Variants in ZBTB20 observed in about 807,000 individuals in gnomAD.
The protein encoded by ZBTB20 is zinc finger and BTB domain containing 20.
In ZBTB20, 9 loss-of-function variants were observed where a neutral mutation model predicts 56.9. The ratio of observed to expected loss-of-function variants is 0.16; its 90% CI spans 0.10 to 0.28. The LOEUF is 0.28. Ranked by LOEUF, ZBTB20 falls within the 10% of genes least tolerant of loss-of-function variation. ZBTB20 has a pLI of 1.00. For synonymous variants in ZBTB20, 417 were observed against 420.7 expected (o/e 0.99, Z 0.11); for missense variants, 655 against 1,003.0 (o/e 0.65, Z 4.69).
chr3:114,425,191 T>C (rs955924403), intron 7 of ZBTB20, among the ~76,000 whole-genome samples: 9 of 150,360 alleles, frequency 6.0e-5, no homozygotes, highest in African/African-American at 2.3e-4. Flanking sequence ...TAATATCGCC[T>C]TCTCCCTTAC....
rs113300913 is a variant in ZBTB20 at position 114,925,764 on chromosome 3, G to A, written c.-455-25422C>T. Among the ~76,000 whole-genome samples, 549 of 152,164 alleles carry A rather than the reference G, an allele frequency of 3.6e-3. 6 individuals are homozygous for A. Among genetic ancestry groups the A allele is most frequent in the African/African-American group, 0.013 (535 of 41,506 alleles). ...GATGATCTCAATCTCCCGACCTCGT[G>A]ATCTGCCCACCTTGGCCTCCCAAAG... On this transcript the variant is annotated intron_variant, in intron 3 of 11. Transcript: ENST00000675478.
intron 4 of ZBTB20, among the ~76,000 whole-genome samples, chr3:114,882,061 G>A (rs996900444): frequency 6.6e-6 from 1 of 151,520 alleles, no homozygotes; most frequent in African/African-American, 2.4e-5. Context: ...ACATACTACA[G>A]AAAATTTATT....
At chr3:114,839,406 TGAAAGAAAGAAAGAAAGAAAGAAA>T (rs748321783) in intron 4 of ZBTB20, among the ~76,000 whole-genome samples, 1 of 72,692 alleles carries the variant, frequency 1.4e-5, no homozygotes, top group Non-Finnish European at 2.6e-5. Context: ...AGAGCCTGTC[TGAAAGAAAGAAAGAAAGAAAGAAA>T]GAAAGAAAGA....
rs1389424524 is a variant in ZBTB20, at chr3:114,390,686, A to G, written c.-254-1581T>C. On this transcript the variant is annotated intron_variant, in intron 7 of 11. Coordinates refer to ENST00000675478, the MANE Select transcript of ZBTB20 (RefSeq NM_001348800.3). ...CTATCTTTAGTTCTAGCTTTTCTAC[A>G]GAGCTGCACACCCACATTCTAAATA... Among the ~76,000 whole-genome samples the G allele has an allele frequency of 3.9e-5, 6 of 152,194 alleles. No individual in the cohort carries two copies. The East Asian group carries it at 1.2e-3, about 29-fold the overall frequency.
rs117792666 is a variant in ZBTB20, at chr3:114,537,648, A to C, written c.-294-37257T>G. On this transcript the variant is annotated intron_variant, in intron 6 of 11. Coordinates refer to ENST00000675478, the MANE Select transcript of ZBTB20 (RefSeq NM_001348800.3). ...ATCCCATTACTGAGTACATACCCAA[A>C]GTATTAGAAATCATTCTACTATAAA... 5.1e-3 allele frequency among the ~76,000 whole-genome samples: 774 copies of C among 152,322 alleles called. 42 individuals carry two copies. In the East Asian group the frequency reaches 0.14, roughly 27 times the overall value.
chr3:115,039,473 T>A (rs1255963056), intron 2 of ZBTB20, among the ~76,000 whole-genome samples: 1 of 151,978 alleles, frequency 6.6e-6, no homozygotes. Context: ...CCTCTTAACA[T>A]CAGAATTGCT....
intron 6 of ZBTB20, among the ~76,000 whole-genome samples, chr3:114,551,011 A>G (rs747131309): frequency 6.6e-6 from 1 of 152,228 alleles, no homozygotes; most frequent in Non-Finnish European, 1.5e-5. Flanking sequence ...TCAGCCTCCC[A>G]AAGTGCTGGA....
chr3:114,820,385 A>G (rs998864748), intron 4 of ZBTB20, among the ~76,000 whole-genome samples: 1 of 152,030 alleles, frequency 6.6e-6, no homozygotes, highest in Non-Finnish European at 1.5e-5. Flanking sequence ...AAATATGCAA[A>G]CAAACACATA....
At chr3:114,630,562 G>C (rs2058888270) in intron 6 of ZBTB20, among the ~76,000 whole-genome samples, 1 of 152,190 alleles carries the variant, frequency 6.6e-6, no homozygotes, top group African/African-American at 2.4e-5. Flanking sequence ...TGGGTACCAG[G>C]TTAGCTGCAT....
chr3:115,078,331 C>T (rs771210367), intron 1 of ZBTB20, among the ~76,000 whole-genome samples: 1 of 152,054 alleles, frequency 6.6e-6, no homozygotes, highest in Non-Finnish European at 1.5e-5. Flanking sequence ...AGTGCTAAGC[C>T]AGAACTCTGG....
intron 5 of ZBTB20, among the ~76,000 whole-genome samples, chr3:114,698,797 C>T (rs530927446): frequency 1.6e-4 from 24 of 152,178 alleles, no homozygotes; most frequent in African/African-American, 4.8e-4. Flanking sequence ...TAAACAGATG[C>T]GTACTCTGTC....
At chr3:114,509,589 T>C (rs1432169526) in intron 6 of ZBTB20, among the ~76,000 whole-genome samples, 1 of 152,154 alleles carries the variant, frequency 6.6e-6, no homozygotes, top group Admixed American at 6.6e-5. Flanking sequence ...GCACACATCA[T>C]ACGTGCACAC....
chr3:114,963,949 T>C (rs1339852782), intron 3 of ZBTB20, among the ~76,000 whole-genome samples: 1 of 152,214 alleles, frequency 6.6e-6, no homozygotes, highest in Non-Finnish European at 1.5e-5. Flanking sequence ...ATTTTTGTTA[T>C]GGATAAATTA....
intron 2 of ZBTB20, among the ~76,000 whole-genome samples, chr3:115,062,983 T>C (rs1047007438): frequency 3.9e-5 from 6 of 152,234 alleles, no homozygotes; most frequent in Non-Finnish European, 8.8e-5. Flanking sequence ...TATCTGTCTT[T>C]TTCTATTTCT....
intron 2 of ZBTB20, among the ~76,000 whole-genome samples, chr3:115,051,919 T>A (rs2081565870): frequency 6.6e-6 from 1 of 150,824 alleles, no homozygotes; most frequent in African/African-American, 2.4e-5. Context: ...AGAGAGAAAA[T>A]GAAGAGGGAA....
intron 11 of ZBTB20, among the ~76,000 whole-genome samples, chr3:114,348,591 A>T (rs1384094887): frequency 1.3e-5 from 2 of 152,216 alleles, no homozygotes; most frequent in Admixed American, 1.3e-4. Context: ...TGTGATCTTT[A>T]AAAACTGATT....
At chr3:115,070,535 C>G (rs560922389) in intron 2 of ZBTB20, among the ~76,000 whole-genome samples, 1 of 152,112 alleles carries the variant, frequency 6.6e-6, no homozygotes, top group South Asian at 2.1e-4. Flanking sequence ...CTACCATTTC[C>G]TAATTATAAA....
At chr3:114,861,548 T>A (rs185223993) in intron 4 of ZBTB20, among the ~76,000 whole-genome samples, 117 of 152,278 alleles carry the variant, frequency 7.7e-4, no homozygotes, top group Non-Finnish European at 1.4e-3. Flanking sequence ...TGTGGAAGAA[T>A]AACTATTCCA....
intron 5 of ZBTB20, among the ~76,000 whole-genome samples, chr3:114,755,642 A>G (rs1299236166): frequency 6.6e-6 from 1 of 151,988 alleles, no homozygotes; most frequent in Admixed American, 6.6e-5. Flanking sequence ...GCTTGCCAAC[A>G]TTACTGCGTT....
Sources: gnomAD v4.1 joint callset for allele counts (sites outside exome capture counted in the v4.1 genomes callset) on GRCh38, gnomAD v4.1.1 for gene constraint, MANE v1.5 for transcripts, NCBI Gene and HGNC (gene_info 2026-07-23, HGNC 2026-07-21) for gene names.